Variants in AAMDC observed in about 807,000 individuals in gnomAD.
AAMDC encodes the protein adipogenesis associated Mth938 domain containing, also known as mth938 domain-containing protein.
AAMDC carries 16 observed loss-of-function variants against 15.5 expected under a neutral mutation model. That is an observed-to-expected ratio of 1.03 (90% confidence interval 0.70 to 1.57). AAMDC has a LOEUF of 1.57. AAMDC is among the 40% of genes most tolerant of loss of function. AAMDC has a pLI of 0.00. For synonymous variants in AAMDC, 51 were observed against 51.6 expected (o/e 0.99, Z 0.05); for missense variants, 141 against 144.9 (o/e 0.97, Z 0.14).
At chr11:77,881,484 G>C (rs1396491703) in intron 5 of AAMDC, among the ~76,000 whole-genome samples, 5 of 152,236 alleles carry the variant, frequency 3.3e-5, no homozygotes. Flanking sequence ...ACATAGCACA[G>C]TGAGGGCTGG....
At chr11:77,859,400 C>T (rs1454331221) in intron 2 of AAMDC, among the ~76,000 whole-genome samples, 1 of 152,176 alleles carries the variant, frequency 6.6e-6, no homozygotes, top group African/African-American at 2.4e-5. Context: ...ATAATAATTT[C>T]CTAATGGCTT....
chr11:77,882,104 T>C (rs943348993), intron 5 of AAMDC, among the ~76,000 whole-genome samples: 1 of 152,058 alleles, frequency 6.6e-6, no homozygotes. Context: ...ATTGTAGAGA[T>C]AGGGTTGCCC....
At chr11:77,900,166 T>C (rs1952716767) in intron 5 of AAMDC, among the ~76,000 whole-genome samples, 1 of 151,922 alleles carries the variant, frequency 6.6e-6, no homozygotes. Context: ...GTGGTGTGAT[T>C]TCGGCCCACT....
downstream of AAMDC, chr11:77,903,615 C>A (rs1294070454): frequency 1.2e-6 from 2 of 1,613,112 alleles, no homozygotes; most frequent in Non-Finnish European, 1.7e-6. Flanking sequence ...ACTTTTCCTG[C>A]AAGGCCTACG....
downstream of AAMDC, chr11:77,876,830 A>AT: frequency 1.7e-6 from 1 of 598,202 alleles, no homozygotes; most frequent in Non-Finnish European, 3.0e-6. Flanking sequence ...AACTTGGAGG[A>AT]TTTTTATAAA....
chr11:77,867,275 C>G (rs1301719499), intron 2 of AAMDC, among the ~76,000 whole-genome samples: 1 of 151,790 alleles, frequency 6.6e-6, no homozygotes, highest in African/African-American at 2.4e-5. Context: ...CCTATACCAT[C>G]TCTACCATTA....
chr11:77,886,185 C>G (rs759014068), intron 5 of AAMDC, among the ~76,000 whole-genome samples: 2 of 152,010 alleles, frequency 1.3e-5, no homozygotes, highest in Admixed American at 6.6e-5. Flanking sequence ...GCCCAGGCAA[C>G]AGACAGAGAC....
chr11:77,836,809 T>A (rs1949702124), intron 1 of AAMDC, among the ~76,000 whole-genome samples: 1 of 152,038 alleles, frequency 6.6e-6, no homozygotes, highest in African/African-American at 2.4e-5. Context: ...CTACTAAAAA[T>A]ACAAAATTAG....
intron 1 of AAMDC, among the ~76,000 whole-genome samples, chr11:77,821,876 T>G (rs1395243785): frequency 1.3e-5 from 2 of 152,160 alleles, no homozygotes; most frequent in Non-Finnish European, 2.9e-5. Flanking sequence ...CTAGCGGGGC[T>G]ACTTCATGAC....
At position 77,891,580 on chromosome 11, in the gene AAMDC, C is replaced by T. The variant is rs569970123; in HGVS notation, c.329-8991C>T. 13 of 1,565,122 alleles carry T rather than the reference C, an allele frequency of 8.3e-6. No homozygotes were observed. In the South Asian group the frequency reaches 9.4e-5, roughly 11 times the overall value. Reference sequence around the variant, plus strand: ...GGCATGTGGGAGCCACTCAGAGGAACAGCCTAGCCCAGCTGCTCCACTGGT... The same window carrying T: ...GGCATGTGGGAGCCACTCAGAGGAATAGCCTAGCCCAGCTGCTCCACTGGT... On this transcript the variant is annotated intron_variant, in intron 5 of 5. Coordinates refer to the AAMDC transcript ENST00000304716.
chr11:77,849,455 C>T (rs376542230), intron 2 of AAMDC, among the ~76,000 whole-genome samples: 1 of 152,128 alleles, frequency 6.6e-6, no homozygotes, highest in East Asian at 1.9e-4. Context: ...AACTCCTGAC[C>T]TCAGGTGATC....
chr11:77,849,504 G>C (rs1020592125), intron 2 of AAMDC, among the ~76,000 whole-genome samples: 1 of 152,156 alleles, frequency 6.6e-6, no homozygotes, highest in Non-Finnish European at 1.5e-5. Flanking sequence ...GATTATTGGC[G>C]TGAGCCACTG....
At chr11:77,855,803 A>G (rs647235) in intron 2 of AAMDC, among the ~76,000 whole-genome samples, 59,769 of 149,056 alleles carry the variant, frequency 0.4, 12,609 homozygotes, top group African/African-American at 0.52. Context: ...TTGCTGCTTA[A>G]AAATTTCTTC....
chr11:77,839,628 A>G (rs1949840098), intron 1 of AAMDC, among the ~76,000 whole-genome samples: 1 of 152,236 alleles, frequency 6.6e-6, no homozygotes, highest in African/African-American at 2.4e-5. Context: ...ACCATGGTAT[A>G]CTATGCAACC....
chr11:77,893,767 C>A (rs1237706812), intron 5 of AAMDC, among the ~76,000 whole-genome samples: 3 of 152,032 alleles, frequency 2.0e-5, no homozygotes, highest in Non-Finnish European at 4.4e-5. Context: ...GTGGCAGGCA[C>A]CTGTAGTGCC....
chr11:77,865,647 GAAC>G (rs754898070), intron 2 of AAMDC, among the ~76,000 whole-genome samples: 1 of 152,192 alleles, frequency 6.6e-6, no homozygotes. Flanking sequence ...GATTTTGAAA[GAAC>G]AACTAGTCAT....
At chr11:77,855,599 G>A (rs1950583216) in intron 2 of AAMDC, 1 of 152,126 alleles carries the variant, frequency 6.6e-6, no homozygotes, top group Admixed American at 6.6e-5. Flanking sequence ...AAAGTGCTGG[G>A]ATTACAGGTG....
intron 2 of AAMDC, among the ~76,000 whole-genome samples, chr11:77,865,257 T>G (rs560137995): frequency 1.6e-4 from 25 of 152,302 alleles, no homozygotes; most frequent in Admixed American, 7.9e-4. Flanking sequence ...ATCTCAAAAT[T>G]CAGTAGCATA....
At chr11:77,854,870 A>G (rs894855119) in intron 2 of AAMDC, among the ~76,000 whole-genome samples, 3 of 152,186 alleles carry the variant, frequency 2.0e-5, no homozygotes, top group African/African-American at 7.2e-5. Context: ...CATGAGGGCT[A>G]CGCACCCCCA....
Sources: gnomAD v4.1 joint callset for allele counts (sites outside exome capture counted in the v4.1 genomes callset) on GRCh38, gnomAD v4.1.1 for gene constraint, MANE v1.5 for transcripts, NCBI Gene and HGNC (gene_info 2026-07-23, HGNC 2026-07-21) for gene names.